HNF4G: variants seen among roughly 807,000 people sequenced by gnomAD.
The protein encoded by HNF4G is hepatocyte nuclear factor 4-gamma.
HNF4G carries 21 observed loss-of-function variants against 50.9 expected under a neutral mutation model. The ratio of observed to expected loss-of-function variants is 0.41; its 90% CI spans 0.29 to 0.59. The LOEUF (loss-of-function observed/expected upper bound fraction) is 0.59, where lower values mean the gene tolerates loss of function less well. HNF4G is among the 20% of genes least tolerant of loss of function. HNF4G has a pLI of 0.26. For missense variants in HNF4G, 527 were observed against 559.4 expected, an observed-to-expected ratio of 0.94 and a Z score of 0.58; for synonymous variants, 198 against 185.6, an observed-to-expected ratio of 1.07 and a Z score of -0.54.
chr8:75,444,871 G>A (rs1248715332), intron 1 of HNF4G, among the ~76,000 whole-genome samples: 7 of 102,954 alleles, frequency 6.8e-5, no homozygotes, highest in Non-Finnish European at 9.8e-5. Context: ...ACAGATCAAC[G>A]AGACAGAAAG....
At chr8:75,551,561 A>G in intron 4 of HNF4G, 67 bp downstream of exon 4, 1 of 900,766 alleles carries the variant, frequency 1.1e-6, no homozygotes, top group Non-Finnish European at 1.8e-6. Flanking sequence ...GCATCATGCT[A>G]AAATAATCTA....
At chr8:75,427,161 C>G (rs1295760174) in intron 1 of HNF4G, among the ~76,000 whole-genome samples, 1 of 152,162 alleles carries the variant, frequency 6.6e-6, no homozygotes, top group Non-Finnish European at 1.5e-5. Context: ...TATTCTTTTA[C>G]TCATGATCTC....
intron 1 of HNF4G, among the ~76,000 whole-genome samples, chr8:75,478,521 A>G (rs937270350): frequency 2.6e-5 from 4 of 152,150 alleles, no homozygotes; most frequent in Non-Finnish European, 5.9e-5. Flanking sequence ...GTCCACCCTG[A>G]AAACTAAAGA....
rs1807393847 is a variant in HNF4G, at chr8:75,564,030, C to A, written c.1302C>A (p.Tyr434Ter). The change falls in exon 10 of 10, where the codon TAC becomes TAA. Residue 434 changes from tyrosine (Y) to a stop codon, truncating the protein, a stop_gained. Transcript: ENST00000396423. LOFTEE classifies it high-confidence loss of function. ...CACAAGGCTCTGGGCAAGAACAGTA[C>A]AAAATAGCTGCAAACCAAGCATCAG... ...SPPQGSGQEQ[Y>*]KIAANQASVI... The A allele has an allele frequency of 6.2e-7, 1 of 1,613,564 alleles. No individual in the cohort carries two copies. The highest frequency in any genetic ancestry group is 1.3e-5 in the African/African-American group (1 of 74,892).
chr8:75,460,266 T>C (rs1811813337), intron 1 of HNF4G, among the ~76,000 whole-genome samples: 1 of 152,100 alleles, frequency 6.6e-6, no homozygotes, highest in Non-Finnish European at 1.5e-5. Flanking sequence ...TCAGGTTGAT[T>C]TATGTGGGGA....
chr8:75,454,462 ACC>A (rs1180097863), intron 1 of HNF4G, among the ~76,000 whole-genome samples: 2 of 152,130 alleles, frequency 1.3e-5, no homozygotes, highest in African/African-American at 2.4e-5. Flanking sequence ...GGTACTTGGT[ACC>A]CACTAATAGT....
chr8:75,427,136 C>G (rs1810910118), intron 1 of HNF4G, among the ~76,000 whole-genome samples: 2 of 152,116 alleles, frequency 1.3e-5, no homozygotes, highest in Non-Finnish European at 2.9e-5. Flanking sequence ...ATACCATGTA[C>G]TGGTTATTTG....
chr8:75,552,722 T>A (rs1328431418), intron 4 of HNF4G, among the ~76,000 whole-genome samples: 1 of 152,180 alleles, frequency 6.6e-6, no homozygotes, highest in Non-Finnish European at 1.5e-5. Context: ...TTTATAGCCA[T>A]TTTGAATTGT....
intron 8 of HNF4G, among the ~76,000 whole-genome samples, chr8:75,559,781 A>G (rs575677296): frequency 1.3e-5 from 2 of 152,072 alleles, no homozygotes; most frequent in Non-Finnish European, 2.9e-5. Flanking sequence ...TATATATACT[A>G]TCTTAAAAAT....
intron 1 of HNF4G, among the ~76,000 whole-genome samples, chr8:75,464,004 C>T (rs148308769): frequency 5.3e-5 from 8 of 152,158 alleles, no homozygotes; most frequent in African/African-American, 1.9e-4. Context: ...GAATTCCCAA[C>T]CTCAGGTGAT....
intron 1 of HNF4G, among the ~76,000 whole-genome samples, chr8:75,413,780 C>T (rs1810562170): frequency 6.6e-6 from 1 of 151,902 alleles, no homozygotes. Flanking sequence ...TTGCTTGAAC[C>T]TAGGAGGCTG....
At chr8:75,559,227 G>A (rs1262535158) in intron 8 of HNF4G, among the ~76,000 whole-genome samples, 190 bp downstream of exon 8, 1 of 151,250 alleles carries the variant, frequency 6.6e-6, no homozygotes, top group African/African-American at 2.4e-5. Context: ...ACCCATCAGA[G>A]AGACAAAAAT....
chr8:75,501,256 A>C (rs1812919021), intron 2 of HNF4G, among the ~76,000 whole-genome samples: 1 of 152,114 alleles, frequency 6.6e-6, no homozygotes, highest in African/African-American at 2.4e-5. Context: ...CCTGGGCAAG[A>C]TAGGGAGATC....
At chr8:75,437,667 C>G (rs1811170408) in intron 1 of HNF4G, among the ~76,000 whole-genome samples, 1 of 151,762 alleles carries the variant, frequency 6.6e-6, no homozygotes, top group Non-Finnish European at 1.5e-5. Context: ...GAGTGAGACT[C>G]CGTCTCAAAA....
chr8:75,442,066 T>A (rs879474035), intron 1 of HNF4G, among the ~76,000 whole-genome samples: 8 of 152,186 alleles, frequency 5.3e-5, no homozygotes, highest in Non-Finnish European at 1.2e-4. Flanking sequence ...AAGAATGTAT[T>A]ACAGTAATAT....
chr8:75,509,445 G>T (rs75503482), intron 2 of HNF4G, among the ~76,000 whole-genome samples: 5,628 of 152,198 alleles, frequency 0.037, 132 homozygotes, highest in South Asian at 0.055. Context: ...GTGAGAAGCC[G>T]GAACATTCTA....
chr8:75,469,158 T>G (rs900759638), intron 1 of HNF4G, among the ~76,000 whole-genome samples: 5 of 152,180 alleles, frequency 3.3e-5, no homozygotes, highest in Admixed American at 2.6e-4. Flanking sequence ...GGAAAATCTT[T>G]TTTTTTGGTG....
intron 1 of HNF4G, among the ~76,000 whole-genome samples, chr8:75,455,238 A>T (rs1361111856): frequency 6.6e-6 from 1 of 152,184 alleles, no homozygotes; most frequent in Non-Finnish European, 1.5e-5. Flanking sequence ...GTAAAAACAA[A>T]ATGTAGTTCC....
chr8:75,416,136 C>A (rs1040238031), intron 1 of HNF4G, among the ~76,000 whole-genome samples: 1 of 151,940 alleles, frequency 6.6e-6, no homozygotes, highest in African/African-American at 2.4e-5. Context: ...TGATCAAGTT[C>A]TTTTCTTTAT....
Sources: gnomAD v4.1 joint callset for allele counts (sites outside exome capture counted in the v4.1 genomes callset) on GRCh38, gnomAD v4.1.1 for gene constraint, MANE v1.5 for transcripts, NCBI Gene and HGNC (gene_info 2026-07-23, HGNC 2026-07-21) for gene names.